LARS2: variants seen among roughly 807,000 people sequenced by gnomAD.
The protein encoded by LARS2 is leucine--tRNA ligase, mitochondrial.
In LARS2, 81 loss-of-function variants were observed where a neutral mutation model predicts 116.6. The observed-to-expected ratio is 0.69, with a 90% confidence interval of 0.58 to 0.84. The LOEUF (loss-of-function observed/expected upper bound fraction) is 0.84, where lower values mean the gene tolerates loss of function less well. LARS2 is among the 40% of genes least tolerant of loss of function. The pLI, the probability that LARS2 is intolerant of heterozygous loss-of-function variation, is 0.00. For missense variants in LARS2, 968 were observed against 1,114.5 expected (o/e 0.87, Z 1.87); for synonymous variants, 396 against 407.2 (o/e 0.97, Z 0.33).
intron 8 of LARS2, among the ~76,000 whole-genome samples, chr3:45,469,825 C>G (rs1453045098): frequency 1.3e-5 from 2 of 151,844 alleles, no homozygotes; most frequent in African/African-American, 2.4e-5. Flanking sequence ...CCTCCCCCCC[C>G]ACCAAAAAAA....
chr3:45,493,526 C>T (rs1699960235), intron 13 of LARS2, among the ~76,000 whole-genome samples: 1 of 152,164 alleles, frequency 6.6e-6, no homozygotes, highest in African/African-American at 2.4e-5. Flanking sequence ...CCTTGAACTA[C>T]AAGACCTTGG....
In LARS2 at chr3:45,547,657, C is replaced by G; in HGVS notation, c.*127C>G. On this transcript the variant is annotated 3_prime_UTR_variant, in exon 22 of 22. Coordinates refer to ENST00000645846, the MANE Select transcript of LARS2 (RefSeq NM_015340.4). ...AATGTCTTGACTGTTGACCTCGGTCCTGTGGCAGACTGCAGTCAACAGTGT... is the reference window on the plus strand; with the variant it reads ...AATGTCTTGACTGTTGACCTCGGTCGTGTGGCAGACTGCAGTCAACAGTGT... 3.7e-6 allele frequency: 3 copies of G among 817,982 alleles called. No individual in the cohort carries two copies. The highest frequency in any genetic ancestry group is 5.4e-5 in the Admixed American group (2 of 36,724). The allele number at this position is 817,982 out of a possible 1,614,324, so 50.7% of individuals were successfully genotyped here. A position where few individuals can be genotyped will look rare whatever the true frequency, so the allele number is the denominator to read the frequency against.
rs147763059 is a variant in LARS2, at chr3:45,400,299, C to T, written c.289C>T (p.Leu97=). 8.1e-6 allele frequency: 13 copies of T among 1,613,798 alleles called. No homozygotes were observed. Among genetic ancestry groups the T allele is most frequent in the Non-Finnish European group, 1.1e-5 (13 of 1,179,852 alleles). The change falls in exon 4 of 22, where the codon CTG becomes TTG. Residue 97 remains leucine, a synonymous_variant. Transcript: ENST00000645846. Reference sequence around the variant, plus strand: ...CATGTTCCCTTATCCTTCTGGTAAGCTGCACATGGGCCATGTGCGTGTCTA... The same window carrying T: ...CATGTTCCCTTATCCTTCTGGTAAGTTGCACATGGGCCATGTGCGTGTCTA... ...LSMFPYPSGK[L]HMGHVRVYTI...
intron 8 of LARS2, among the ~76,000 whole-genome samples, chr3:45,473,941 T>G (rs1699570185): frequency 3.3e-5 from 5 of 152,214 alleles, no homozygotes; most frequent in Admixed American, 3.3e-4. Context: ...GAGAATGTAC[T>G]AGACACACTT....
chr3:45,469,239 A>G (rs774259424), intron 8 of LARS2, among the ~76,000 whole-genome samples: 50 of 152,188 alleles, frequency 3.3e-4, no homozygotes, highest in Non-Finnish European at 5.9e-4. Context: ...ATCACATTCC[A>G]ATGAGAGGTT....
intron 15 of LARS2, among the ~76,000 whole-genome samples, chr3:45,507,304 T>C (rs1700214801): frequency 6.6e-6 from 1 of 152,012 alleles, no homozygotes; most frequent in South Asian, 2.1e-4. Context: ...ATCTTCCATG[T>C]AGTAAGGAAG....
Position 45,476,448 on chromosome 3 carries a change from C to T in LARS2, c.859-20C>T, listed in dbSNP as rs1449123523. On this transcript the variant is annotated intron_variant, in intron 9 of 21. Transcript: ENST00000645846. The stretch of plus-strand genomic sequence containing the variant: ...AAGGGAGGACTGAGAAATGACATCA[C>T]TCTTCTTTCCTATCACCAGGTTCAT... The T allele has an allele frequency of 1.2e-6, 2 of 1,613,920 alleles. No individual in the cohort carries two copies. The highest frequency in any genetic ancestry group is 1.1e-5 in the South Asian group (1 of 91,062).
intron 11 of LARS2, among the ~76,000 whole-genome samples, chr3:45,486,267 A>G (rs1026162191): frequency 6.6e-6 from 1 of 152,212 alleles, no homozygotes; most frequent in Non-Finnish European, 1.5e-5. Context: ...GGCTTTGTGG[A>G]GGAGGCGAAC....
chr3:45,396,477 C>T (rs1431927774), intron 3 of LARS2, among the ~76,000 whole-genome samples: 1 of 152,202 alleles, frequency 6.6e-6, no homozygotes, highest in African/African-American at 2.4e-5. Context: ...ACACAAAGAT[C>T]AGAACGTGGT....
chr3:45,465,585 A>G (rs1367665701), intron 8 of LARS2, among the ~76,000 whole-genome samples: 2 of 152,204 alleles, frequency 1.3e-5, no homozygotes, highest in Non-Finnish European at 2.9e-5. Flanking sequence ...GCCCGGGGCC[A>G]AGGCGAGATG....
chr3:45,443,676 G>A (rs1376232003), intron 6 of LARS2, among the ~76,000 whole-genome samples: 1 of 152,142 alleles, frequency 6.6e-6, no homozygotes, highest in African/African-American at 2.4e-5. Flanking sequence ...CAGTACGACG[G>A]AACTTATGAG....
At position 45,533,243 on chromosome 3, in the gene LARS2, C is replaced by T. The variant is rs555997479; in HGVS notation, c.2405-8586C>T. Among the ~76,000 whole-genome samples, 33 of 149,368 alleles carry T rather than the reference C, an allele frequency of 2.2e-4. No individual in the cohort carries two copies. In the East Asian group the frequency reaches 3.8e-3, roughly 17 times the overall value. ...TCGGCTCACTGCAAGCTCCGCCTCC[C>T]GGGTTCACACCATTTGCCTGCATCA... On this transcript the variant is annotated intron_variant, in intron 20 of 21. Transcript: ENST00000645846.
chr3:45,473,767 A>T (rs1343641141), intron 8 of LARS2, among the ~76,000 whole-genome samples: 1 of 151,272 alleles, frequency 6.6e-6, no homozygotes, highest in East Asian at 1.9e-4. Context: ...AATTAATGTC[A>T]TGTTTCCCTT....
At chr3:45,430,989 T>C (rs1328015560) in intron 6 of LARS2, among the ~76,000 whole-genome samples, 1 of 152,180 alleles carries the variant, frequency 6.6e-6, no homozygotes, top group Non-Finnish European at 1.5e-5. Flanking sequence ...GTAAAGCCCT[T>C]GGGAGATAAT....
chr3:45,429,793 C>T lies in LARS2; in HGVS notation c.516+10064C>T, dbSNP rs573402401. Among the ~76,000 whole-genome samples, 20 of 147,748 alleles carry T rather than the reference C, an allele frequency of 1.4e-4. No homozygotes were observed. In the South Asian group the frequency reaches 4.3e-3, roughly 32 times the overall value. ...CTCAGCTAACTACAACTGCTGCTTC[C>T]TGGGCTTAAGTGATTCTCCCACCTC... On this transcript the variant is annotated intron_variant, in intron 6 of 21. Transcript: ENST00000645846.
chr3:45,541,027 C>G (rs1306638400), intron 20 of LARS2, among the ~76,000 whole-genome samples: 3 of 152,088 alleles, frequency 2.0e-5, no homozygotes, highest in African/African-American at 7.2e-5. Flanking sequence ...AGTGATCCTC[C>G]CATCTCAGCC....
At chr3:45,546,430 T>C (rs554195175) in intron 21 of LARS2, among the ~76,000 whole-genome samples, 6 of 152,364 alleles carry the variant, frequency 3.9e-5, no homozygotes, top group African/African-American at 9.6e-5. Context: ...CTTTGTGTTT[T>C]ATTCGTCCTC....
At chr3:45,410,082 T>C (rs954669596) in intron 4 of LARS2, among the ~76,000 whole-genome samples, 1 of 152,232 alleles carries the variant, frequency 6.6e-6, no homozygotes, top group African/African-American at 2.4e-5. Context: ...AGAATGTTAA[T>C]AGGCAGAAAC....
At chr3:45,396,058 T>C (rs1698038123) in intron 3 of LARS2, among the ~76,000 whole-genome samples, 1 of 152,250 alleles carries the variant, frequency 6.6e-6, no homozygotes, top group Non-Finnish European at 1.5e-5. Context: ...TTGGTTTAGA[T>C]AATCATTTAT....
Sources: gnomAD v4.1 joint callset for allele counts (sites outside exome capture counted in the v4.1 genomes callset) on GRCh38, gnomAD v4.1.1 for gene constraint, MANE v1.5 for transcripts, NCBI Gene and HGNC (gene_info 2026-07-23, HGNC 2026-07-21) for gene names.